UBE4B: variants seen among roughly 807,000 people sequenced by gnomAD.
The protein encoded by UBE4B is ubiquitination factor E4B, also known as ubiquitin conjugation factor E4 B.
A neutral mutation model predicts 148.1 loss-of-function variants in UBE4B; 27 were observed. That is an observed-to-expected ratio of 0.18 (90% CI 0.13 to 0.25). The LOEUF (loss-of-function observed/expected upper bound fraction) is 0.25, where lower values mean the gene tolerates loss of function less well. Ranked by LOEUF, UBE4B falls within the 10% of genes least tolerant of loss-of-function variation. UBE4B has a pLI of 1.00. For synonymous variants in UBE4B, 596 were observed against 619.3 expected, an observed-to-expected ratio of 0.96 and a Z score of 0.56; for missense variants, 1,170 against 1,662.4, an observed-to-expected ratio of 0.70 and a Z score of 5.15.
chr1:10,165,877 C>T (rs539600622), intron 23 of UBE4B, among the ~76,000 whole-genome samples: 34 of 152,262 alleles, frequency 2.2e-4, no homozygotes, highest in Non-Finnish European at 4.3e-4. Context: ...TGAAGCAGAT[C>T]CTCCCTAACG....
At chr1:10,108,146 G>GGTGT (rs145406095) in intron 7 of UBE4B, among the ~76,000 whole-genome samples, 508 of 148,748 alleles carry the variant, frequency 3.4e-3, no homozygotes, top group African/African-American at 0.012. Context: ...ATTTGGGGGA[G>GGTGT]GTGTGTGTGT....
intron 26 of UBE4B, 46 bp from the exon 27 acceptor site, chr1:10,179,370 C>G: frequency 1.9e-6 from 3 of 1,590,886 alleles, no homozygotes; most frequent in Non-Finnish European, 2.6e-6. Context: ...CTTTTTCAGT[C>G]GTGGGCTCTC....
intron 1 of UBE4B, among the ~76,000 whole-genome samples, chr1:10,050,403 T>C (rs1211529275): frequency 2.6e-5 from 4 of 152,162 alleles, no homozygotes; most frequent in African/African-American, 9.7e-5. Flanking sequence ...ATATCAGGCA[T>C]AGCCAAATGT....
chr1:10,159,004 C>T (rs575967408), intron 22 of UBE4B, among the ~76,000 whole-genome samples: 9 of 139,852 alleles, frequency 6.4e-5, no homozygotes, highest in South Asian at 2.2e-4. Context: ...AGCGAGACTC[C>T]GTCTCAAAAA....
chr1:10,100,907 T>A, intron 3 of UBE4B: 1 of 540,514 alleles, frequency 1.9e-6, no homozygotes, highest in Non-Finnish European at 3.3e-6. Context: ...AGGAAAAATA[T>A]TTCCAACATG....
chr1:10,074,047 G>C (rs182106820), intron 2 of UBE4B, among the ~76,000 whole-genome samples: 5 of 148,546 alleles, frequency 3.4e-5, no homozygotes, highest in African/African-American at 1.2e-4. Flanking sequence ...CAGATGATCC[G>C]TCTGCTTCAG....
At chr1:10,133,797 T>G (rs559413756) in intron 15 of UBE4B, among the ~76,000 whole-genome samples, 1 of 152,040 alleles carries the variant, frequency 6.6e-6, no homozygotes, top group East Asian at 1.9e-4. Context: ...TGCCTATAGT[T>G]TCAGCTACTT....
At chr1:10,062,954 C>G (rs966391141) in intron 1 of UBE4B, among the ~76,000 whole-genome samples, 2 of 140,172 alleles carry the variant, frequency 1.4e-5, no homozygotes, top group African/African-American at 5.3e-5. Flanking sequence ...GAAACTCCGT[C>G]TCAAAAAAAA....
intron 19 of UBE4B, among the ~76,000 whole-genome samples, chr1:10,148,777 T>G (rs199629226): frequency 6.6e-6 from 1 of 151,768 alleles, no homozygotes; most frequent in East Asian, 1.9e-4. Flanking sequence ...CTGTCTCTAT[T>G]GAAAATACAA....
At chr1:10,101,283 A>T in intron 4 of UBE4B, 88 bp downstream of exon 4, 1 of 1,312,246 alleles carries the variant, frequency 7.6e-7, no homozygotes, top group East Asian at 2.4e-5. Flanking sequence ...GATTGGGGCC[A>T]CCCGAAATCA....
chr1:10,159,009 CAAAAA>C (rs368376272), intron 22 of UBE4B, among the ~76,000 whole-genome samples: 3 of 68,694 alleles, frequency 4.4e-5, no homozygotes, highest in African/African-American at 9.8e-5. Flanking sequence ...GACTCCGTCT[CAAAAA>C]AAAAAAAAAA....
intron 1 of UBE4B, among the ~76,000 whole-genome samples, chr1:10,055,684 C>T (rs1187038415): frequency 6.6e-6 from 1 of 152,102 alleles, no homozygotes; most frequent in Non-Finnish European, 1.5e-5. Context: ...CTTTGGGAGG[C>T]CAAGGTGGGC....
Position 10,068,052 on chromosome 1 carries a change from G to A in UBE4B, c.25-3976G>A, listed in dbSNP as rs1160938382. ...CAGTTTTTTTTTTTTTTTTTAAGAT[G>A]GAGTCTTGCTCTGTTGCCCAGGTTG... is the stretch of plus-strand genomic sequence containing the variant. On this transcript the variant is annotated intron_variant, in intron 1 of 27. Coordinates refer to ENST00000343090, the MANE Select transcript of UBE4B (RefSeq NM_001105562.3). 4.1e-5 allele frequency among the ~76,000 whole-genome samples: 6 copies of A among 145,408 alleles called. No homozygotes were observed. The East Asian group carries it at 1.0e-3, about 25-fold the overall frequency.
chr1:10,129,434 C>T lies in UBE4B; in HGVS notation c.1681C>T (p.Pro561Ser). Residue 561 changes from proline to serine, a missense_variant, in exon 12 of 28, where the codon CCT becomes TCT. By Grantham distance (74) the Pro-to-Ser change is moderately conservative (BLOSUM62 -1). Transcript: ENST00000343090. ...LCETKFGKTH[P>S]VCNLVASLRL... Reference sequence around the variant, plus strand: ...TGAAACCAAGTTTGGGAAGACACACCCTGTGTGCAATTTGGTAAGCACTCA... The same window carrying T: ...TGAAACCAAGTTTGGGAAGACACACTCTGTGTGCAATTTGGTAAGCACTCA... 6.2e-7 allele frequency: 1 copy of T among 1,611,842 alleles called. No homozygotes were observed. The highest frequency in any genetic ancestry group is 8.5e-7 in the Non-Finnish European group (1 of 1,178,178).
chr1:10,117,821 G>A (rs1557569496), intron 8 of UBE4B, among the ~76,000 whole-genome samples: 2 of 152,182 alleles, frequency 1.3e-5, no homozygotes, highest in Non-Finnish European at 2.9e-5. Flanking sequence ...GCCAAGGTTT[G>A]AACCTAGATG....
intron 2 of UBE4B, among the ~76,000 whole-genome samples, chr1:10,082,596 T>C (rs1261975205): frequency 2.6e-5 from 4 of 151,392 alleles, no homozygotes; most frequent in African/African-American, 9.7e-5. Flanking sequence ...ACTGGGGGTG[T>C]GTACATAATC....
intron 2 of UBE4B, among the ~76,000 whole-genome samples, chr1:10,073,655 G>A (rs568521257): frequency 2.0e-5 from 3 of 152,222 alleles, no homozygotes; most frequent in East Asian, 1.9e-4. Flanking sequence ...GGGAGGTGGA[G>A]GTTGCAATGA....
intron 20 of UBE4B, among the ~76,000 whole-genome samples, chr1:10,150,311 C>T (rs753252439): frequency 6.6e-6 from 1 of 151,986 alleles, no homozygotes; most frequent in African/African-American, 2.4e-5. Context: ...AAAAACCAAC[C>T]TTGGAATTTA....
intron 10 of UBE4B, among the ~76,000 whole-genome samples, chr1:10,126,343 A>C (rs1393758108): frequency 6.6e-5 from 10 of 152,214 alleles, no homozygotes; most frequent in Middle Eastern, 3.4e-3. Flanking sequence ...AGATAGATAG[A>C]TAGATAGATA....
Sources: allele counts gnomAD v4.1 joint callset (sites outside exome capture counted in the v4.1 genomes callset), GRCh38; gene constraint gnomAD v4.1.1; transcripts MANE v1.5; gene names NCBI Gene and HGNC (gene_info 2026-07-23, HGNC 2026-07-21).